MYLK: variants seen among roughly 807,000 people sequenced by gnomAD.
MYLK encodes the protein myosin light chain kinase, smooth muscle.
A neutral mutation model predicts 203.4 loss-of-function variants in MYLK; 106 were observed. The observed-to-expected ratio is 0.52, with a 90% confidence interval of 0.45 to 0.61. The LOEUF (loss-of-function observed/expected upper bound fraction) is 0.61, where lower values mean the gene tolerates loss of function less well. Among genes scored for constraint, MYLK ranks in the 20% least tolerant of loss-of-function variants. MYLK has a pLI of 0.00. For synonymous variants in MYLK, 867 were observed against 959.5 expected (o/e 0.90, Z 1.78); for missense variants, 2,072 against 2,442.3 (o/e 0.85, Z 3.20).
chr3:123,722,269 G>A lies in MYLK; in HGVS notation c.1663C>T (p.Gln555Ter). The change falls in exon 13 of 34, where the codon CAG becomes TAG. Residue 555 changes from glutamine (Q) to a stop codon, truncating the protein, a stop_gained. Transcript: ENST00000360304. LOFTEE classifies it high-confidence loss of function. ...GCCTCGCAGGTGGAGCGAGCGTACT[G>A]GATGGGCTGCCCTGTGGAGGAAGCA... ...ITWLLNGQPI[Q>*]YARSTCEAGV... 6.4e-7 allele frequency: 1 copy of A among 1,568,958 alleles called. No individual in the cohort carries two copies.
chr3:123,710,043 G>T, intron 13 of MYLK, 150 bp from the exon 14 acceptor site: 2 of 1,029,352 alleles, frequency 1.9e-6, no homozygotes, highest in Non-Finnish European at 3.0e-6. Context: ...GGAGTTTCTA[G>T]AGATCATTAG....
At chr3:123,718,145 A>G (rs1367265130) in intron 13 of MYLK, among the ~76,000 whole-genome samples, 1 of 152,136 alleles carries the variant, frequency 6.6e-6, no homozygotes, top group Non-Finnish European at 1.5e-5. Context: ...TACAGGCATG[A>G]GACACTGTGC....
intron 3 of MYLK, among the ~76,000 whole-genome samples, chr3:123,802,387 TG>T (rs1448155033): frequency 6.6e-6 from 1 of 152,330 alleles, no homozygotes; most frequent in African/African-American, 2.4e-5. Flanking sequence ...CATGGCTTCC[TG>T]GGCCTTTCCT....
chr3:123,819,546 A>AGG (rs2065852562), intron 3 of MYLK, among the ~76,000 whole-genome samples: 1 of 152,206 alleles, frequency 6.6e-6, no homozygotes, highest in Non-Finnish European at 1.5e-5. Context: ...AAGTATATGA[A>AGG]ATCTAAGACC....
intron 2 of MYLK, among the ~76,000 whole-genome samples, chr3:123,845,507 T>C (rs980458796): frequency 1.9e-4 from 29 of 152,182 alleles, no homozygotes; most frequent in African/African-American, 7.0e-4. Flanking sequence ...TTTTGTTTTT[T>C]TGAGACAAGG....
chr3:123,641,392 TGCA>T (rs1013522004), intron 27 of MYLK, among the ~76,000 whole-genome samples: 2 of 152,226 alleles, frequency 1.3e-5, no homozygotes, highest in Non-Finnish European at 2.9e-5. Context: ...TGGTAACTTA[TGCA>T]GCACCCAGAT....
intron 8 of MYLK, among the ~76,000 whole-genome samples, chr3:123,736,174 A>G (rs2062667302): frequency 6.6e-6 from 1 of 152,174 alleles, no homozygotes; most frequent in Admixed American, 6.5e-5. Context: ...TGTCAAGTGA[A>G]ATAGAGAATA....
chr3:123,749,621 C>T (rs974457483), intron 5 of MYLK, among the ~76,000 whole-genome samples: 1 of 152,158 alleles, frequency 6.6e-6, no homozygotes, highest in African/African-American at 2.4e-5. Context: ...TGCAGATTTC[C>T]CTTTTTAAGT....
intron 2 of MYLK, among the ~76,000 whole-genome samples, chr3:123,838,231 C>G (rs1459426888): frequency 6.6e-6 from 1 of 151,772 alleles, no homozygotes; most frequent in East Asian, 1.9e-4. Context: ...AAGTGCAAAC[C>G]CAGAAAACAA....
At chr3:123,819,384 T>C (rs1161450661) in intron 3 of MYLK, among the ~76,000 whole-genome samples, 2 of 152,184 alleles carry the variant, frequency 1.3e-5, no homozygotes, top group African/African-American at 2.4e-5. Context: ...TGTCAACCTG[T>C]GGGGGTTGGA....
rs886421841 is a variant in MYLK, at chr3:123,837,741, C to A, written c.-126-6071G>T. Among the ~76,000 whole-genome samples, 9 of 151,914 alleles carry A rather than the reference C, an allele frequency of 5.9e-5. 1 individual carries two copies. The South Asian group carries it at 1.9e-3, about 32-fold the overall frequency. On this transcript the variant is annotated intron_variant, in intron 2 of 33. Transcript: ENST00000360304. The stretch of plus-strand genomic sequence containing the variant: ...CCTAAGGTTTCCCAACCCTAGGCAA[C>A]CAATAGTCTACTTTCTGTTTCTATG...
At chr3:123,769,665 G>A (rs1057132088) in intron 4 of MYLK, among the ~76,000 whole-genome samples, 4 of 152,202 alleles carry the variant, frequency 2.6e-5, no homozygotes, top group African/African-American at 7.2e-5. Context: ...GCCTCATCAC[G>A]GCTTATAATT....
intron 29 of MYLK, among the ~76,000 whole-genome samples, chr3:123,634,399 G>A (rs926712892): frequency 1.3e-5 from 2 of 152,192 alleles, no homozygotes; most frequent in African/African-American, 4.8e-5. Context: ...GGAGGCCCCC[G>A]ATGCCCCGGC....
At chr3:123,852,467 T>G (rs925342718) in intron 2 of MYLK, among the ~76,000 whole-genome samples, 1 of 152,220 alleles carries the variant, frequency 6.6e-6, no homozygotes, top group African/African-American at 2.4e-5. Context: ...GAAGGGTGTA[T>G]GTGTCCAGGA....
intron 27 of MYLK, among the ~76,000 whole-genome samples, chr3:123,646,798 G>A (rs2059036663): frequency 1.3e-5 from 2 of 152,180 alleles, no homozygotes; most frequent in African/African-American, 4.8e-5. Context: ...TGGATTTCAA[G>A]CCCCCAGCCA....
chr3:123,640,641 G>C lies in MYLK; in HGVS notation c.4620-137C>G. ...GGAATGGGGGTGATGGGCAATTCCT[G>C]AATCCCCACCCTCCGACATGGGAGA... On this transcript the variant is annotated intron_variant, in intron 27 of 33. Coordinates refer to ENST00000360304, the MANE Select transcript of MYLK (RefSeq NM_053025.4). The surrounding 1 kb of genome is among the most constrained non-coding windows in gnomAD (Gnocchi z 4.3). 1 of 870,838 alleles carries C rather than the reference G, an allele frequency of 1.1e-6. No individual in the cohort carries two copies. The highest frequency in any genetic ancestry group is 1.9e-6 in the Non-Finnish European group (1 of 535,590). 53.9% of individuals were successfully genotyped at this position (870,838 alleles called of 1,614,324 possible).
chr3:123,636,208 T>C (rs2058637329), intron 29 of MYLK, among the ~76,000 whole-genome samples: 1 of 152,214 alleles, frequency 6.6e-6, no homozygotes, highest in African/African-American at 2.4e-5. Flanking sequence ...ACTGTTCCCA[T>C]GTTAGCACCA....
chr3:123,670,786 C>T (rs770562526), intron 20 of MYLK, among the ~76,000 whole-genome samples: 1 of 152,214 alleles, frequency 6.6e-6, no homozygotes, highest in African/African-American at 2.4e-5. Context: ...CTTGGTTGCA[C>T]TAGTCACATT....
chr3:123,654,635 C>G (rs1374169732), intron 24 of MYLK, among the ~76,000 whole-genome samples: 1 of 152,052 alleles, frequency 6.6e-6, no homozygotes, highest in Admixed American at 6.6e-5. Flanking sequence ...ATTCTCCTGT[C>G]TCCAAGAGCT....
Sources: allele counts gnomAD v4.1 joint callset (sites outside exome capture counted in the v4.1 genomes callset), GRCh38; gene constraint gnomAD v4.1.1; non-coding constraint Gnocchi (gnomAD v3.1); transcripts MANE v1.5; gene names NCBI Gene and HGNC (gene_info 2026-07-23, HGNC 2026-07-21).